Variants in NEURL1 observed in about 807,000 individuals in gnomAD.
NEURL1 encodes E3 ubiquitin-protein ligase NEURL1.
A neutral mutation model predicts 41.2 loss-of-function variants in NEURL1; 26 were observed. The observed-to-expected ratio is 0.63, with a 90% CI of 0.46 to 0.87. The LOEUF is 0.87. Among genes scored for constraint, NEURL1 ranks in the 40% least tolerant of loss-of-function variants. The probability of loss-of-function intolerance (pLI) is 0.00; values close to 1 mark genes in which losing one functional copy is unlikely to be tolerated. For synonymous variants in NEURL1, 400 were observed against 402.3 expected (o/e 0.99, Z 0.07); for missense variants, 761 against 871.1 (o/e 0.87, Z 1.59).
chr10:103,504,155 G>A (rs746628142), intron 1 of NEURL1, among the ~76,000 whole-genome samples: 14 of 151,876 alleles, frequency 9.2e-5, no homozygotes, highest in Admixed American at 2.0e-4. Flanking sequence ...CACCACGCCC[G>A]GCTAATTTTT....
intron 1 of NEURL1, among the ~76,000 whole-genome samples, chr10:103,504,435 C>G (rs1340400744): frequency 6.6e-6 from 1 of 152,128 alleles, no homozygotes; most frequent in Non-Finnish European, 1.5e-5. Context: ...TGGTGTTCTT[C>G]TCATGATTAG....
intron 1 of NEURL1, among the ~76,000 whole-genome samples, chr10:103,546,242 T>C (rs2034921905): frequency 6.6e-6 from 1 of 152,178 alleles, no homozygotes; most frequent in South Asian, 2.1e-4. Flanking sequence ...CGAAGGTGGC[T>C]GTTCTCAGGG....
chr10:103,533,381 T>G (rs2034615491), intron 1 of NEURL1, among the ~76,000 whole-genome samples: 1 of 152,030 alleles, frequency 6.6e-6, no homozygotes, highest in African/African-American at 2.4e-5. Context: ...TTTTCTTTTT[T>G]TTTTTGAGAT....
intron 1 of NEURL1, among the ~76,000 whole-genome samples, chr10:103,543,926 A>C (rs958288427): frequency 2.1e-5 from 3 of 143,684 alleles, no homozygotes; most frequent in African/African-American, 7.6e-5. Flanking sequence ...GGGGTGGGGT[A>C]GGGGGGGTCA....
At position 103,494,080 on chromosome 10, in the gene NEURL1, A is replaced by C; in HGVS notation, c.-308A>C. On this transcript the variant is annotated 5_prime_UTR_variant, in exon 1 of 6. Transcript: ENST00000369780. ...CCGGAACCCTAGCGTCCCGGGGAGC[A>C]AGCGGGGAGCCCCGGGCGTCCCCGG... 1 of 240,726 alleles carries C rather than the reference A, an allele frequency of 4.2e-6. No individual in the cohort carries two copies. The allele number at this position is 240,726 out of a possible 1,614,324, so 14.9% of individuals were successfully genotyped here. A position where few individuals can be genotyped will look rare whatever the true frequency, so the allele number is the denominator to read the frequency against.
rs149133165 is a variant in NEURL1, at chr10:103,564,372, G to A, written c.86-6500G>A. 2.6e-3 allele frequency among the ~76,000 whole-genome samples: 396 copies of A among 152,264 alleles called. 3 individuals carry two copies. Among genetic ancestry groups the A allele is most frequent in the Non-Finnish European group, 6.0e-4 (41 of 68,012 alleles). On this transcript the variant is annotated intron_variant, in intron 1 of 5. Transcript: ENST00000369780. ...CCCTGGGAGCTCTGCTGAGAGCCAC[G>A]TGGCACAACTGGGGCTCCATCCAGT...
intron 1 of NEURL1, among the ~76,000 whole-genome samples, chr10:103,544,009 C>T (rs922470529): frequency 4.6e-5 from 7 of 152,198 alleles, no homozygotes; most frequent in South Asian, 2.1e-4. Context: ...AAGTGGGGGT[C>T]GAGTTTATCC....
chr10:103,540,249 C>G (rs764581822), intron 1 of NEURL1, among the ~76,000 whole-genome samples: 7 of 151,926 alleles, frequency 4.6e-5, no homozygotes, highest in African/African-American at 7.3e-5. Context: ...ACATTTTAAC[C>G]CCTGCTTTTC....
chr10:103,495,000 C>T (rs1270276283), intron 1 of NEURL1, among the ~76,000 whole-genome samples: 1 of 152,136 alleles, frequency 6.6e-6, no homozygotes, highest in Non-Finnish European at 1.5e-5. Flanking sequence ...TTTTTGCATC[C>T]ATTGAATTAG....
chr10:103,531,274 C>T (rs1263587415), intron 1 of NEURL1, among the ~76,000 whole-genome samples: 1 of 152,106 alleles, frequency 6.6e-6, no homozygotes, highest in East Asian at 1.9e-4. Context: ...AATGTCTTTA[C>T]ATAGTGCAGT....
chr10:103,571,695 G>C lies in NEURL1; in HGVS notation c.522G>C (p.Lys174Asn), dbSNP rs1275135882. ...ACATCATCGCATTCTGGGTGGACAA[G>C]AAGGGCCGTGTCTTCCACCGCATCA... ...EGNIIAFWVD[K>N]KGRVFHRIND... The change falls in exon 3 of 6, where the codon AAG (lysine) becomes AAC (asparagine). Residue 174 changes from lysine (K) to asparagine (N), a missense_variant. Transcript: ENST00000369780. The C allele has an allele frequency of 1.2e-6, 2 of 1,614,224 alleles. No homozygotes were observed. Among genetic ancestry groups the C allele is most frequent in the Non-Finnish European group, 8.5e-7 (1 of 1,180,018 alleles).
intron 1 of NEURL1, among the ~76,000 whole-genome samples, chr10:103,509,217 A>G (rs1343794874): frequency 6.8e-6 from 1 of 147,440 alleles, no homozygotes; most frequent in Admixed American, 6.8e-5. Context: ...CCTGGGTGAC[A>G]GAGCAAGACT....
chr10:103,554,130 G>A (rs1216365876), intron 1 of NEURL1, among the ~76,000 whole-genome samples: 1 of 152,248 alleles, frequency 6.6e-6, no homozygotes, highest in African/African-American at 2.4e-5. Flanking sequence ...TCTTGATGAT[G>A]ATCTGGGCTC....
intron 1 of NEURL1, among the ~76,000 whole-genome samples, chr10:103,506,930 C>T (rs755818357): frequency 2.0e-5 from 3 of 152,146 alleles, no homozygotes; most frequent in Non-Finnish European, 2.9e-5. Context: ...ACATTCTTCC[C>T]GAAGGGAGAA....
intron 1 of NEURL1, chr10:103,555,222 G>C: frequency 1.2e-6 from 1 of 833,248 alleles, no homozygotes; most frequent in Non-Finnish European, 1.5e-6. Context: ...GGGGGCGCGT[G>C]GGGGCGCGTG....
chr10:103,562,380 CT>C (rs2035315017), intron 1 of NEURL1, among the ~76,000 whole-genome samples: 1 of 152,214 alleles, frequency 6.6e-6, no homozygotes, highest in Admixed American at 6.5e-5. Context: ...CAGACTCCGT[CT>C]CAAAGCAAAC....
intron 1 of NEURL1, among the ~76,000 whole-genome samples, chr10:103,532,633 T>C (rs962816960): frequency 1.3e-5 from 2 of 152,232 alleles, no homozygotes; most frequent in Non-Finnish European, 2.9e-5. Context: ...AATCTGCTCT[T>C]AGTCTAATAG....
At chr10:103,547,688 A>G (rs998826259) in intron 1 of NEURL1, among the ~76,000 whole-genome samples, 3 of 152,152 alleles carry the variant, frequency 2.0e-5, no homozygotes, top group South Asian at 2.1e-4. Flanking sequence ...CTAAAGTTGT[A>G]TATGTGAATG....
chr10:103,498,710 T>G (rs1418802575), intron 1 of NEURL1, among the ~76,000 whole-genome samples: 1 of 152,232 alleles, frequency 6.6e-6, no homozygotes, highest in Non-Finnish European at 1.5e-5. Flanking sequence ...CCCTCTCCCC[T>G]GAATCCCTGG....
Sources: gnomAD v4.1 joint callset for allele counts (sites outside exome capture counted in the v4.1 genomes callset) on GRCh38, gnomAD v4.1.1 for gene constraint, MANE v1.5 for transcripts, NCBI Gene and HGNC (gene_info 2026-07-23, HGNC 2026-07-21) for gene names.